The following CWC25 variants were observed in gnomAD, a reference collection of about 807,000 sequenced individuals.
The protein encoded by CWC25 is CWC25 spliceosome associated protein, also known as pre-mRNA-splicing factor CWC25 homolog.
In CWC25, 31 loss-of-function variants were observed where a neutral mutation model predicts 54.6. That is an observed-to-expected ratio of 0.57 (90% CI 0.43 to 0.77). The LOEUF (loss-of-function observed/expected upper bound fraction) is 0.77, where lower values mean the gene tolerates loss of function less well. CWC25 is among the 30% of genes least tolerant of loss of function. The pLI, the probability that CWC25 is intolerant of heterozygous loss-of-function variation, is 0.00. For synonymous variants in CWC25, 151 were observed against 187.0 expected (o/e 0.81, Z 1.57); for missense variants, 453 against 529.3 (o/e 0.86, Z 1.41).
Position 38,802,876 on chromosome 17 carries a change from A to T in CWC25, c.1002-15T>A, listed in dbSNP as rs1236312585. The T allele has an allele frequency of 6.2e-7, 1 of 1,613,680 alleles. No homozygotes were observed. On this transcript the variant is annotated splice_polypyrimidine_tract_variant and intron_variant, in intron 8 of 9. Coordinates refer to ENST00000614790, the MANE Select transcript of CWC25 (RefSeq NM_017748.5). Reference sequence around the variant, plus strand: ...CAGAGAGTTTTCTGTTGAGCACAGAAACCATACGATCAGGTCTCTTCCAGC... The same window carrying T: ...CAGAGAGTTTTCTGTTGAGCACAGATACCATACGATCAGGTCTCTTCCAGC...
chr17:38,804,331 G>C (rs1911141816), intron 8 of CWC25, among the ~76,000 whole-genome samples: 1 of 152,094 alleles, frequency 6.6e-6, no homozygotes, highest in East Asian at 1.9e-4. Flanking sequence ...GAGTGTATGA[G>C]AGCTCATTTA....
chr17:38,820,795 C>A lies in CWC25; in HGVS notation c.191+106G>T, dbSNP rs11870235. ...TAGAATCCAGGTGAGTCTGGCATTA[C>A]AACCCATGCCCTTAAGCACTCAGCC... On this transcript the variant is annotated intron_variant, in intron 2 of 9. Coordinates refer to ENST00000614790, the MANE Select transcript of CWC25 (RefSeq NM_017748.5). 52,491 of 1,319,892 alleles carry A rather than the reference C, an allele frequency of 0.04. 6,995 individuals are homozygous for A. In the African/African-American group the frequency reaches 0.44, roughly 11 times the overall value. 81.8% of individuals were successfully genotyped at this position (1,319,892 alleles called of 1,614,324 possible).
chr17:38,806,765 A>G lies in CWC25; in HGVS notation c.902T>C (p.Leu301Pro), dbSNP rs1439009769. The stretch of plus-strand genomic sequence containing the variant: ...ATTTCCCAGTGAATCCCACACTCAC[A>G]GTTTGCTGGGTCTTGGGGACCGTGA... ...RRSRSPRPSK[L>P]HNSKVNRRET... The change falls in exon 7 of 10, where the codon CTG becomes CCG. Residue 301 changes from leucine to proline, a missense_variant and splice_region_variant. By Grantham distance (98) the Leu-to-Pro change is moderately conservative. Transcript: ENST00000614790. 2.8e-5 allele frequency: 44 copies of G among 1,572,576 alleles called. No individual in the cohort carries two copies. The highest frequency in any genetic ancestry group is 3.4e-5 in the Non-Finnish European group (39 of 1,162,042).
rs929709636 is a variant in CWC25 at position 38,804,844 on chromosome 17, C to T, written c.1001+1453G>A. ...AAGGAAGCCCGGGCGTGGTGGCTCA[C>T]GCCTGTAATCCCAGCACTCTGGGAG... On this transcript the variant is annotated intron_variant, in intron 8 of 9. Transcript: ENST00000614790. 4.1e-5 allele frequency among the ~76,000 whole-genome samples: 6 copies of T among 145,738 alleles called. 1 individual carries two copies. The highest frequency in any genetic ancestry group is 4.4e-4 in the South Asian group (2 of 4,572).
At position 38,809,727 on chromosome 17, in the gene CWC25, G is replaced by A; in HGVS notation, c.665C>T (p.Ser222Phe). The A allele has an allele frequency of 6.2e-7, 1 of 1,613,812 alleles. No homozygotes were observed. The highest frequency in any genetic ancestry group is 8.5e-7 in the Non-Finnish European group (1 of 1,179,826). ...KKMANSSPVL[S>F]KVPGYGLQVR... ...CTGTAAGCCATATCCAGGGACTTTG[G>A]ACAAAACAGGGGAGGAATTTGCCAT... The change falls in exon 6 of 10, where the codon TCC (serine) becomes TTC (phenylalanine). Residue 222 changes from serine to phenylalanine, a missense_variant. This residue lies in a region of CWC25 where 444 missense variants were observed against 499.2 expected (regional missense o/e 0.89). Coordinates refer to ENST00000614790, the MANE Select transcript of CWC25 (RefSeq NM_017748.5).
rs372059832 is a variant in CWC25 at position 38,815,065 on chromosome 17, T to C, written c.224A>G (p.Gln75Arg). The C allele has an allele frequency of 3.7e-6, 6 of 1,613,772 alleles. No individual in the cohort carries two copies. In the African/African-American group the frequency reaches 6.7e-5, roughly 18 times the overall value. The change falls in exon 3 of 10, where the codon CAG becomes CGG. Residue 75 changes from glutamine to arginine, a missense_variant. Transcript: ENST00000614790. The part of the protein sequence containing the change: ...KKEEKLDWMY[Q>R]GPGGMVNRDE... ...ACGGTTCACCATCCCACCAGGACCC[T>C]GGTACATCCAGTCCAACTTTTCTTC...
chr17:38,810,351 A>G lies in CWC25; in HGVS notation c.626+117T>C. 3 of 1,113,416 alleles carry G rather than the reference A, an allele frequency of 2.7e-6. No individual in the cohort carries two copies. The South Asian group carries it at 5.0e-5, about 19-fold the overall frequency. 69.0% of individuals were successfully genotyped at this position (1,113,416 alleles called of 1,614,324 possible). ...CTGGGCCCATGTTCAAGTGTTCATC[A>G]CTGAATGCCCAGTACCTGGCAGCTT... On this transcript the variant is annotated intron_variant, in intron 5 of 9. Coordinates refer to ENST00000614790, the MANE Select transcript of CWC25 (RefSeq NM_017748.5).
intron 5 of CWC25, 111 bp from the exon 6 acceptor site, chr17:38,809,876 C>A: frequency 2.3e-6 from 2 of 885,624 alleles, no homozygotes; most frequent in Admixed American, 2.5e-5. Flanking sequence ...TTTCCGCCTC[C>A]CAGCAGTTAC....
intron 2 of CWC25, among the ~76,000 whole-genome samples, chr17:38,820,158 C>T (rs1390444241): frequency 1.3e-5 from 2 of 152,182 alleles, no homozygotes; most frequent in African/African-American, 2.4e-5. Context: ...TGGTCTCAAA[C>T]TCCTGGGCTC....
chr17:38,816,216 T>G (rs180739413), intron 2 of CWC25, among the ~76,000 whole-genome samples: 264 of 152,302 alleles, frequency 1.7e-3, no homozygotes, highest in Admixed American at 4.0e-3. Flanking sequence ...ATCTATAACC[T>G]GAAATTAAAT....
At chr17:38,816,082 G>A (rs1911686673) in intron 2 of CWC25, among the ~76,000 whole-genome samples, 1 of 152,058 alleles carries the variant, frequency 6.6e-6, no homozygotes, top group East Asian at 1.9e-4. Context: ...AGAAAAAAGT[G>A]GTGAGAAAGT....
At position 38,805,059 on chromosome 17, in the gene CWC25, A is replaced by G. The variant is rs1186664065; in HGVS notation, c.1001+1238T>C. Among the ~76,000 whole-genome samples, 7 of 151,670 alleles carry G rather than the reference A, an allele frequency of 4.6e-5. No homozygotes were observed. In the East Asian group the frequency reaches 1.2e-3, roughly 25 times the overall value. On this transcript the variant is annotated intron_variant, in intron 8 of 9. Transcript: ENST00000614790. Reference sequence around the variant, plus strand: ...GAGGCGGAAGTTGTGGTGAGCCGAGATTGGGCCATTGCACTCCAGCCTGGG... The same window carrying G: ...GAGGCGGAAGTTGTGGTGAGCCGAGGTTGGGCCATTGCACTCCAGCCTGGG...
chr17:38,823,075 T>A (rs1324866124), intron 1 of CWC25, among the ~76,000 whole-genome samples: 6 of 151,754 alleles, frequency 4.0e-5, no homozygotes, highest in African/African-American at 1.2e-4. Flanking sequence ...CCTGACCTCA[T>A]GATCTGCCCG....
In CWC25 at chr17:38,806,816, C is replaced by T; in HGVS notation, c.851G>A (p.Arg284Lys). The change falls in exon 7 of 10, where the codon AGG (arginine) becomes AAG (lysine). Residue 284 changes from arginine to lysine, a missense_variant. By Grantham distance (26) the Arg-to-Lys change is conservative (BLOSUM62 2). This residue lies in a region of CWC25 where 444 missense variants were observed against 499.2 expected (regional missense o/e 0.89). Coordinates refer to ENST00000614790, the MANE Select transcript of CWC25 (RefSeq NM_017748.5). Reference protein sequence around the residue: ...KSTREAGSRDRRSRSLGRRSR... With the variant: ...KSTREAGSRDKRSRSLGRRSR... ...CCTTCTGCCCAGGGATCGAGACCTC[C>T]TGTCCCGGGACCCTGCTTCCCTGGT... 1 of 1,612,320 alleles carries T rather than the reference C, an allele frequency of 6.2e-7. No homozygotes were observed.
At chr17:38,814,506 C>T (rs914951911) in intron 3 of CWC25, among the ~76,000 whole-genome samples, 2 of 150,944 alleles carry the variant, frequency 1.3e-5, no homozygotes, top group Non-Finnish European at 2.9e-5. Flanking sequence ...TTTGGGAGGC[C>T]GAGGCGGGCG....
intron 4 of CWC25, 22 bp from the exon 5 acceptor site, chr17:38,810,617 A>C: frequency 7.5e-6 from 9 of 1,199,258 alleles, no homozygotes; most frequent in Non-Finnish European, 9.7e-6. Context: ...CGAGAACACA[A>C]GCACACAAGA....
At chr17:38,824,234 C>T (rs1156716547) in intron 1 of CWC25, among the ~76,000 whole-genome samples, 1 of 152,132 alleles carries the variant, frequency 6.6e-6, no homozygotes, top group African/African-American at 2.4e-5. Flanking sequence ...GGGGCCTTAG[C>T]GCTTTACAAA....
chr17:38,805,763 C>T (rs538545842), intron 8 of CWC25, among the ~76,000 whole-genome samples: 7 of 152,086 alleles, frequency 4.6e-5, no homozygotes, highest in South Asian at 2.1e-4. Flanking sequence ...CCTCCCAAAG[C>T]GCTGAGATTA....
intron 1 of CWC25, among the ~76,000 whole-genome samples, chr17:38,822,212 C>T (rs1416519672): frequency 2.6e-5 from 4 of 151,988 alleles, no homozygotes; most frequent in Non-Finnish European, 4.4e-5. Flanking sequence ...TACAGGCATG[C>T]GCCACCACAC....
Sources: gnomAD v4.1 joint callset for allele counts (sites outside exome capture counted in the v4.1 genomes callset) on GRCh38, gnomAD v4.1.1 for gene constraint, gnomAD v4.1.1 regional missense constraint, MANE v1.5 for transcripts, NCBI Gene and HGNC (gene_info 2026-07-23, HGNC 2026-07-21) for gene names.